The following STXBP5L variants were observed in gnomAD, a reference collection of about 807,000 sequenced individuals.
STXBP5L encodes syntaxin-binding protein 5-like.
In STXBP5L, 65 loss-of-function variants were observed where a neutral mutation model predicts 144.5. That is an observed-to-expected ratio of 0.45 (90% confidence interval 0.37 to 0.55). STXBP5L has a LOEUF of 0.55. STXBP5L is among the 20% of genes least tolerant of loss of function. The pLI, the probability that STXBP5L is intolerant of heterozygous loss-of-function variation, is 0.00. For missense variants in STXBP5L, 1,298 were observed against 1,405.5 expected (o/e 0.92, Z 1.22); for synonymous variants, 505 against 469.6 (o/e 1.08, Z -0.97).
intron 20 of STXBP5L, among the ~76,000 whole-genome samples, chr3:121,342,601 GT>G (rs2044760268): frequency 6.7e-6 from 1 of 149,548 alleles, no homozygotes; most frequent in Non-Finnish European, 1.5e-5. Context: ...GCAGTGTTTG[GT>G]TTTTTGTTCT....
chr3:121,233,923 A>G (rs904745031), intron 12 of STXBP5L, among the ~76,000 whole-genome samples: 1 of 152,180 alleles, frequency 6.6e-6, no homozygotes, highest in African/African-American at 2.4e-5. Flanking sequence ...TTGGAGACTC[A>G]GGACACATAA....
intron 3 of STXBP5L, among the ~76,000 whole-genome samples, chr3:120,962,342 T>G (rs539653816): frequency 7.4e-4 from 112 of 152,228 alleles, no homozygotes; most frequent in South Asian, 3.5e-3. Context: ...TAGTCATGAA[T>G]TCCTTGCCCA....
rs1314859024 is a variant in STXBP5L at position 121,304,022 on chromosome 3, GTA to G, written c.2111-14448_2111-14447del. 1.3e-4 allele frequency among the ~76,000 whole-genome samples: 19 copies of G among 147,834 alleles called. No homozygotes were observed. In the South Asian group the frequency reaches 1.5e-3, roughly 12 times the overall value. ...GTGCACATGTACCCTAAAACTTAAA[GTA>G]TATAAAAAAAAAATACGTTGAAAGT... On this transcript the variant is annotated intron_variant, in intron 19 of 26. Transcript: ENST00000471454.
At chr3:121,078,274 A>G (rs1276828217) in intron 5 of STXBP5L, among the ~76,000 whole-genome samples, 1 of 151,522 alleles carries the variant, frequency 6.6e-6, no homozygotes, top group African/African-American at 2.4e-5. Context: ...AGGTTCTCCA[A>G]GTCCACACCA....
chr3:121,213,246 T>C lies in STXBP5L; in HGVS notation c.956+7245T>C, dbSNP rs141472941. Among the ~76,000 whole-genome samples the C allele has an allele frequency of 2.8e-3, 419 of 152,308 alleles. 3 individuals carry two copies. The highest frequency in any genetic ancestry group is 9.1e-3 in the African/African-American group (379 of 41,566). On this transcript the variant is annotated intron_variant, in intron 10 of 26. Coordinates refer to ENST00000471454, the MANE Select transcript of STXBP5L (RefSeq NM_001308330.2). The stretch of plus-strand genomic sequence containing the variant: ...GCCCTGGCCAAAACTTCCAATACTA[T>C]GTTGAATAGGAGTGGTGAGAGACCT...
chr3:121,010,515 A>C (rs1237410935), intron 3 of STXBP5L, among the ~76,000 whole-genome samples: 1 of 151,564 alleles, frequency 6.6e-6, no homozygotes. Context: ...AGCAGAAGAA[A>C]CTATCACTGA....
At chr3:121,049,675 A>G (rs1947800170) in intron 5 of STXBP5L, 1 of 153,996 alleles carries the variant, frequency 6.5e-6, no homozygotes, top group South Asian at 2.0e-4. Context: ...TGCTGCAGAG[A>G]CGAGGCCTGT....
intron 3 of STXBP5L, among the ~76,000 whole-genome samples, chr3:120,975,973 A>G (rs1940944535): frequency 6.6e-6 from 1 of 151,890 alleles, no homozygotes; most frequent in South Asian, 2.1e-4. Flanking sequence ...TTTTTGCATC[A>G]ATGTTCATCA....
chr3:121,208,076 A>G (rs1405430335), intron 10 of STXBP5L, among the ~76,000 whole-genome samples: 6 of 152,150 alleles, frequency 3.9e-5, no homozygotes, highest in African/African-American at 9.7e-5. Context: ...AAGACTTGGA[A>G]CCAACCCAAA....
intron 20 of STXBP5L, among the ~76,000 whole-genome samples, chr3:121,333,167 A>G (rs1471604796): frequency 4.6e-5 from 7 of 152,178 alleles, no homozygotes; most frequent in Non-Finnish European, 1.0e-4. Flanking sequence ...ATAAAATAAT[A>G]GCACATGGAG....
intron 9 of STXBP5L, among the ~76,000 whole-genome samples, chr3:121,199,693 G>A (rs981434332): frequency 2.0e-5 from 3 of 152,142 alleles, no homozygotes; most frequent in Admixed American, 6.6e-5. Flanking sequence ...TATCATGAAA[G>A]GATGTTGAAT....
intron 14 of STXBP5L, among the ~76,000 whole-genome samples, chr3:121,250,054 T>C (rs1443416725): frequency 6.6e-6 from 1 of 152,112 alleles, no homozygotes. Flanking sequence ...TTAGTCATTA[T>C]GTACTATCCT....
chr3:121,006,755 A>G (rs1236543108), intron 3 of STXBP5L, among the ~76,000 whole-genome samples: 1 of 152,142 alleles, frequency 6.6e-6, no homozygotes, highest in Non-Finnish European at 1.5e-5. Flanking sequence ...GGTGGTGACA[A>G]AATCTCTCAG....
At chr3:120,988,529 G>T (rs1942522015) in intron 3 of STXBP5L, among the ~76,000 whole-genome samples, 1 of 151,942 alleles carries the variant, frequency 6.6e-6, no homozygotes, top group South Asian at 2.1e-4. Context: ...CCTAGGGTAT[G>T]GTTTGTCTTG....
At chr3:121,083,515 TAGCC>T (rs1198363878) in intron 5 of STXBP5L, among the ~76,000 whole-genome samples, 1 of 151,888 alleles carries the variant, frequency 6.6e-6, no homozygotes, top group Non-Finnish European at 1.5e-5. Context: ...TACAAAAAAT[TAGCC>T]AGACGTGATG....
At chr3:121,179,795 A>G (rs1263879399) in intron 9 of STXBP5L, among the ~76,000 whole-genome samples, 1 of 152,166 alleles carries the variant, frequency 6.6e-6, no homozygotes, top group Non-Finnish European at 1.5e-5. Context: ...AAAATACAGT[A>G]GAAAGTTTCA....
chr3:121,321,944 C>T (rs747129204), intron 20 of STXBP5L, among the ~76,000 whole-genome samples: 16 of 152,050 alleles, frequency 1.1e-4, no homozygotes, highest in Non-Finnish European at 2.2e-4. Context: ...ACAAATCTTC[C>T]CATCACCCCG....
intron 3 of STXBP5L, among the ~76,000 whole-genome samples, chr3:121,013,721 T>C (rs567644618): frequency 1.3e-5 from 2 of 151,760 alleles, no homozygotes; most frequent in African/African-American, 4.8e-5. Flanking sequence ...CCTTTGAGGT[T>C]AATATCTAGA....
At chr3:121,108,908 T>G (rs1370627788) in intron 5 of STXBP5L, among the ~76,000 whole-genome samples, 1 of 152,210 alleles carries the variant, frequency 6.6e-6, no homozygotes, top group Non-Finnish European at 1.5e-5. Context: ...ATTTGTCTAT[T>G]CAGGGGTTTA....
Sources: allele counts gnomAD v4.1 joint callset (sites outside exome capture counted in the v4.1 genomes callset), GRCh38; gene constraint gnomAD v4.1.1; transcripts MANE v1.5; gene names NCBI Gene and HGNC (gene_info 2026-07-23, HGNC 2026-07-21).